NMNAT1: variants seen among roughly 807,000 people sequenced by gnomAD.
NMNAT1 encodes the protein nicotinamide nucleotide adenylyltransferase 1.
NMNAT1 carries 11 observed loss-of-function variants against 16.7 expected under a neutral mutation model. The ratio of observed to expected loss-of-function variants is 0.66; its 90% CI spans 0.41 to 1.09. The LOEUF (loss-of-function observed/expected upper bound fraction) is 1.09, where lower values mean the gene tolerates loss of function less well. Among genes scored for constraint, NMNAT1 ranks in the 50% least tolerant of loss-of-function variants. The pLI, the probability that NMNAT1 is intolerant of heterozygous loss-of-function variation, is 0.00. For missense variants in NMNAT1, 280 were observed against 332.3 expected (o/e 0.84, Z 1.22); for synonymous variants, 110 against 119.8 (o/e 0.92, Z 0.53).
intron 1 of NMNAT1, among the ~76,000 whole-genome samples, chr1:9,961,832 C>T (rs540825226): frequency 2.0e-5 from 3 of 152,130 alleles, no homozygotes; most frequent in Admixed American, 1.3e-4. Flanking sequence ...AGTGCAATGG[C>T]ATGATCTCGG....
downstream of NMNAT1, among the ~76,000 whole-genome samples, chr1:9,988,639 G>A (rs1415211542): frequency 6.9e-6 from 1 of 145,670 alleles, no homozygotes; most frequent in East Asian, 2.1e-4. Flanking sequence ...GGGAGGCAGA[G>A]GTTACAGTGA....
downstream of NMNAT1, among the ~76,000 whole-genome samples, chr1:9,986,543 G>A (rs1016136643): frequency 2.0e-5 from 3 of 152,046 alleles, no homozygotes; most frequent in Non-Finnish European, 4.4e-5. Flanking sequence ...AACAGCCCGC[G>A]TAACATAGCA....
At chr1:9,986,272 A>G (rs2101721135), downstream of NMNAT1, among the ~76,000 whole-genome samples, 1 of 152,348 alleles carries the variant, frequency 6.6e-6, no homozygotes, top group African/African-American at 2.4e-5. Context: ...CTACGTACCC[A>G]TTAACTTCAA....
downstream of NMNAT1, among the ~76,000 whole-genome samples, chr1:9,987,842 C>G (rs1287794520): frequency 6.6e-6 from 1 of 151,978 alleles, no homozygotes; most frequent in Non-Finnish European, 1.5e-5. Flanking sequence ...TGAAATAGTG[C>G]AGCTAAAAGT....
At chr1:9,986,697 C>A (rs578042108), downstream of NMNAT1, among the ~76,000 whole-genome samples, 1 of 152,306 alleles carries the variant, frequency 6.6e-6, no homozygotes, top group East Asian at 1.9e-4. Context: ...GCCTGGGCAA[C>A]ATGGCAAAAC....
chr1:9,973,317 C>T (rs1425886645), intron 2 of NMNAT1, among the ~76,000 whole-genome samples: 2 of 152,084 alleles, frequency 1.3e-5, no homozygotes, highest in African/African-American at 2.4e-5. Context: ...GGGGTTTCTC[C>T]ATGTTGGTCA....
rs1641704371 is a variant in NMNAT1, at chr1:9,972,177, T to C, written c.104T>C (p.Met35Thr). Residue 35 changes from methionine (M) to threonine (T), a missense_variant, in exon 2 of 5, where the codon ATG (methionine) becomes ACG (threonine). By Grantham distance (81) the Met-to-Thr change is moderately conservative. Coordinates refer to ENST00000377205, the MANE Select transcript of NMNAT1 (RefSeq NM_022787.4). ...LRLFELAKDY[M>T]NGTGRYTVVK... ...TTGTTTGAGCTGGCCAAGGACTACA[T>C]GAATGGAACAGGTAGGAGCAGTAAC... The C allele has an allele frequency of 1.9e-6, 3 of 1,597,052 alleles. No homozygotes were observed. The highest frequency in any genetic ancestry group is 2.6e-6 in the Non-Finnish European group (3 of 1,164,748).
At chr1:9,991,250 A>G in the NMNAT1 span, among the ~76,000 whole-genome samples, 2 of 150,022 alleles carry the variant, frequency 1.3e-5, no homozygotes, top group Admixed American at 1.3e-4. Context: ...CAATGGTGCA[A>G]TCTCAGCTCA....
chr1:9,963,191 A>T (rs1641465769), intron 1 of NMNAT1, among the ~76,000 whole-genome samples: 1 of 151,990 alleles, frequency 6.6e-6, no homozygotes, highest in African/African-American at 2.4e-5. Flanking sequence ...GAGTCAGGAA[A>T]CCTAAATTCT....
chr1:9,950,984 G>T (rs959188744), intron 1 of NMNAT1, among the ~76,000 whole-genome samples: 1 of 151,968 alleles, frequency 6.6e-6, no homozygotes, highest in Non-Finnish European at 1.5e-5. Flanking sequence ...AGCTACTGGG[G>T]AGGCTGAGGC....
intron 1 of NMNAT1, among the ~76,000 whole-genome samples, chr1:9,966,254 G>C (rs534638160): frequency 3.3e-5 from 5 of 151,808 alleles, no homozygotes; most frequent in Non-Finnish European, 7.4e-5. Flanking sequence ...AGCTGAGATC[G>C]TGCCACTGCA....
chr1:9,972,932 G>A (rs1641721200), intron 2 of NMNAT1, among the ~76,000 whole-genome samples: 1 of 152,088 alleles, frequency 6.6e-6, no homozygotes, highest in South Asian at 2.1e-4. Flanking sequence ...TTGCCCACCA[G>A]CCTGGACATC....
At chr1:9,979,372 G>A (rs562804237) in intron 3 of NMNAT1, among the ~76,000 whole-genome samples, 12 of 152,018 alleles carry the variant, frequency 7.9e-5, no homozygotes, top group Non-Finnish European at 1.6e-4. Context: ...AGGCTGAGGC[G>A]GTAGGATCAC....
At chr1:9,985,807 C>T (rs769721609), downstream of NMNAT1, among the ~76,000 whole-genome samples, 2 of 152,148 alleles carry the variant, frequency 1.3e-5, no homozygotes, top group African/African-American at 2.4e-5. Flanking sequence ...GGATTACAGG[C>T]GTGTGTTACC....
intron 1 of NMNAT1, among the ~76,000 whole-genome samples, chr1:9,961,775 T>C (rs1641414301): frequency 6.6e-6 from 1 of 152,096 alleles, no homozygotes; most frequent in Non-Finnish European, 1.5e-5. Flanking sequence ...GCCCCAAGTA[T>C]ATATATATTT....
downstream of NMNAT1, among the ~76,000 whole-genome samples, chr1:9,988,007 G>T (rs1642066076): frequency 6.6e-6 from 1 of 151,594 alleles, no homozygotes; most frequent in Non-Finnish European, 1.5e-5. Context: ...AGTTGTTGTT[G>T]TTTTTTTTGA....
At position 9,975,793 on chromosome 1, in the gene NMNAT1, A is replaced by C. The variant is rs775380791; in HGVS notation, c.299+18A>C. 39 of 1,594,688 alleles carry C rather than the reference A, an allele frequency of 2.4e-5. No homozygotes were observed. Among genetic ancestry groups the C allele is most frequent in the Non-Finnish European group, 3.3e-5 (38 of 1,167,734 alleles). Reference sequence around the variant, plus strand: ...GTGCTAAGGTATTTATGGTGTAATCAACTTTGTCAGTTCTGTGTAAATGGC... The same window carrying C: ...GTGCTAAGGTATTTATGGTGTAATCCACTTTGTCAGTTCTGTGTAAATGGC... On this transcript the variant is annotated intron_variant, in intron 3 of 4. Transcript: ENST00000377205.
chr1:9,956,232 C>T lies in NMNAT1; in HGVS notation c.-57+12717C>T, dbSNP rs563110237. Among the ~76,000 whole-genome samples the T allele has an allele frequency of 9.3e-4, 135 of 145,656 alleles. 1 individual carries two copies. The highest frequency in any genetic ancestry group is 3.2e-3 in the African/African-American group (127 of 39,132). ...TCACCCAGGCTGGACTGCAGTGGTGCGATCTCTGCTCACTGCAACCTCTGC... is the reference window on the plus strand; with the variant it reads ...TCACCCAGGCTGGACTGCAGTGGTGTGATCTCTGCTCACTGCAACCTCTGC... On this transcript the variant is annotated intron_variant, in intron 1 of 4. Transcript: ENST00000377205.
At chr1:9,968,862 C>G (rs1419463914) in intron 1 of NMNAT1, among the ~76,000 whole-genome samples, 1 of 148,828 alleles carries the variant, frequency 6.7e-6, no homozygotes, top group South Asian at 2.1e-4. Context: ...ATTGCTTGAA[C>G]CTGGAAGGCA....
Sources: allele counts gnomAD v4.1 joint callset (sites outside exome capture counted in the v4.1 genomes callset), GRCh38; gene constraint gnomAD v4.1.1; transcripts MANE v1.5; gene names NCBI Gene and HGNC (gene_info 2026-07-23, HGNC 2026-07-21).